TRHDE: variants seen among roughly 807,000 people sequenced by gnomAD.
The protein encoded by TRHDE is thyrotropin-releasing hormone-degrading ectoenzyme.
Under a neutral mutation model 125.7 loss-of-function variants are expected in TRHDE, and 72 were observed. The ratio of observed to expected loss-of-function variants is 0.57; its 90% CI spans 0.47 to 0.70. TRHDE has a LOEUF of 0.70. Among genes scored for constraint, TRHDE ranks in the 30% least tolerant of loss-of-function variants. The pLI, the probability that TRHDE is intolerant of heterozygous loss-of-function variation, is 0.00. For missense variants in TRHDE, 1,110 were observed against 1,327.1 expected, an observed-to-expected ratio of 0.84 and a Z score of 2.54; for synonymous variants, 509 against 509.1, an observed-to-expected ratio of 1.00 and a Z score of 0.00.
rs1238071583 is a variant in TRHDE at position 72,469,633 on chromosome 12, C to CA, written c.1316-118dup. On this transcript the variant is annotated intron_variant, in intron 3 of 18. Transcript: ENST00000261180. The stretch of plus-strand genomic sequence containing the variant: ...AAAAATGGCAAGTAGTTTAATTTGC[C>CA]AAAAAAATCACTAAGTAAAATCAAG... 57 of 1,082,400 alleles carry CA rather than the reference C, an allele frequency of 5.3e-5. No homozygotes were observed. The Admixed American group carries it at 6.5e-4, about 12-fold the overall frequency. The allele number at this position is 1,082,400 out of a possible 1,614,324, so 67.0% of individuals were successfully genotyped here.
chr12:72,167,427 GA>G (rs1323906216), intron 2 of TRHDE: 1 of 152,174 alleles, frequency 6.6e-6, no homozygotes, highest in African/African-American at 2.4e-5. Context: ...ATTCAATCTA[GA>G]TTTGGATTTA....
chr12:72,633,042 T>A (rs1873565239), intron 15 of TRHDE, among the ~76,000 whole-genome samples: 2 of 152,086 alleles, frequency 1.3e-5, no homozygotes, highest in Non-Finnish European at 2.9e-5. Flanking sequence ...CTATCCAATT[T>A]TATTTCTGCA....
rs755986070 is a variant in TRHDE at position 72,286,710 on chromosome 12, C to T, written c.944C>T (p.Thr315Ile). Residue 315 changes from threonine to isoleucine, a missense_variant, in exon 2 of 19, where the codon ACA becomes ATA. Thr to Ile is a moderately conservative substitution (Grantham distance 89, BLOSUM62 -1). Around this residue, in one of 5 missense-constraint regions of TRHDE, gnomAD observed 252 missense variants for 274.8 expected, o/e 0.92. Transcript: ENST00000261180. The part of the protein sequence containing the change: ...RFLGVTQFSP[T>I]HARKAFPCFD... ...CTTGGTGTTACTCAGTTTTCGCCTA[C>T]ACATGCCAGAAAGGCATTTCCTTGT... The T allele has an allele frequency of 1.9e-6, 3 of 1,613,970 alleles. No homozygotes were observed. Among genetic ancestry groups the T allele is most frequent in the Non-Finnish European group, 2.5e-6 (3 of 1,179,952 alleles).
At chr12:72,515,788 G>A (rs1252090683) in intron 6 of TRHDE, among the ~76,000 whole-genome samples, 2 of 152,032 alleles carry the variant, frequency 1.3e-5, no homozygotes, top group Non-Finnish European at 2.9e-5. Context: ...TAATGTTTAA[G>A]TGTTTAATCC....
At chr12:72,385,622 CCA>C (rs1351001530) in intron 3 of TRHDE, among the ~76,000 whole-genome samples, 1 of 152,074 alleles carries the variant, frequency 6.6e-6, no homozygotes, top group Non-Finnish European at 1.5e-5. Flanking sequence ...ATTCAAATGG[CCA>C]CAGTTATTTC....
At chr12:72,516,045 C>T (rs767337291) in intron 6 of TRHDE, among the ~76,000 whole-genome samples, 7 of 151,418 alleles carry the variant, frequency 4.6e-5, no homozygotes, top group Admixed American at 4.6e-4. Context: ...GTTACTGTAG[C>T]CTTGTGTAGT....
chr12:72,190,117 A>G (rs1046638830), intron 2 of TRHDE, among the ~76,000 whole-genome samples: 1 of 152,196 alleles, frequency 6.6e-6, no homozygotes, highest in Non-Finnish European at 1.5e-5. Context: ...CTCACCAGGC[A>G]TTAATATCAA....
chr12:72,494,676 C>T (rs922711170), intron 5 of TRHDE, among the ~76,000 whole-genome samples: 1 of 152,022 alleles, frequency 6.6e-6, no homozygotes, highest in African/African-American at 2.4e-5. Context: ...TTGACATGTT[C>T]AGGCAGAAGC....
At chr12:72,375,334 G>A (rs113388402) in intron 2 of TRHDE, among the ~76,000 whole-genome samples, 2,143 of 152,260 alleles carry the variant, frequency 0.014, 64 homozygotes, top group African/African-American at 0.048. Context: ...GTAAATAATA[G>A]AAGTTTGAAT....
At chr12:72,518,807 T>C (rs1879020083) in intron 6 of TRHDE, among the ~76,000 whole-genome samples, 2 of 152,242 alleles carry the variant, frequency 1.3e-5, no homozygotes, top group African/African-American at 2.4e-5. Flanking sequence ...CCATGTTTAG[T>C]GCTTCCTTCA....
At chr12:72,530,356 G>C (rs1293308797) in intron 6 of TRHDE, among the ~76,000 whole-genome samples, 1 of 143,426 alleles carries the variant, frequency 7.0e-6, no homozygotes, top group Non-Finnish European at 1.5e-5. Context: ...GCTTTCTTAA[G>C]CACACTTTGT....
intron 18 of TRHDE, among the ~76,000 whole-genome samples, chr12:72,658,355 C>T (rs1355766477): frequency 6.6e-6 from 1 of 152,130 alleles, no homozygotes; most frequent in Non-Finnish European, 1.5e-5. Context: ...ATTAAAGACT[C>T]ATTTAGTCAC....
rs373252403 is a variant in TRHDE, at chr12:72,166,289, G to GTGTA, written n.279+60542_279+60545dup. Among the ~76,000 whole-genome samples, 805 of 152,168 alleles carry GTGTA rather than the reference G, an allele frequency of 5.3e-3. 6 individuals are homozygous for GTGTA. The highest frequency in any genetic ancestry group is 0.019 in the African/African-American group (782 of 41,494). On this transcript the variant is annotated intron_variant and non_coding_transcript_variant, in intron 2 of 4. Transcript: ENST00000548156. ...AAATGATGTTATGTGGCACATGACT[G>GTGTA]TGTATGTACATGTGGAGATATATAT...
chr12:72,253,203 G>C (rs1461043136), intron 2 of TRHDE, among the ~76,000 whole-genome samples: 1 of 151,968 alleles, frequency 6.6e-6, no homozygotes, highest in Non-Finnish European at 1.5e-5. Context: ...TTTTCATCTC[G>C]ATCTTATATC....
chr12:72,205,306 C>T (rs1049687398), intron 2 of TRHDE, among the ~76,000 whole-genome samples: 2 of 151,852 alleles, frequency 1.3e-5, no homozygotes, highest in Admixed American at 6.6e-5. Flanking sequence ...CTTCCCTGCA[C>T]CCTTCCCTTC....
rs1875029770 is a variant in TRHDE, at chr12:72,664,223, ACTTATAATTATTAGTGCTG to A, written c.*1029_*1047del. Reference sequence around the variant, plus strand: ...CCTTTTGCATGAAACAATTATGCAAACTTATAATTATTAGTGCTGAAAAAGAGTTTATTTTCCATCTTGT... The same window carrying A: ...CCTTTTGCATGAAACAATTATGCAAAAAAAAGAGTTTATTTTCCATCTTGT... On this transcript the variant is annotated 3_prime_UTR_variant, in exon 19 of 19. Transcript: ENST00000261180. 1.3e-5 allele frequency: 2 copies of A among 152,422 alleles called. No individual in the cohort carries two copies. Among genetic ancestry groups the A allele is most frequent in the Non-Finnish European group, 2.9e-5 (2 of 68,012 alleles). The allele number at this position is 152,422 out of a possible 1,614,324, so 9.4% of individuals were successfully genotyped here.
At chr12:72,544,839 T>C (rs1419674828) in intron 7 of TRHDE, among the ~76,000 whole-genome samples, 2 of 151,562 alleles carry the variant, frequency 1.3e-5, no homozygotes, top group Non-Finnish European at 3.0e-5. Flanking sequence ...CACATACTCA[T>C]ATTTAACTTA....
intron 10 of TRHDE, among the ~76,000 whole-genome samples, chr12:72,569,611 AAAATC>A (rs1403297891): frequency 6.6e-6 from 1 of 152,222 alleles, no homozygotes; most frequent in Non-Finnish European, 1.5e-5. Context: ...TTGTTACAGT[AAAATC>A]TAATCTGGTT....
chr12:72,164,400 G>A (rs1876700373), intron 2 of TRHDE, among the ~76,000 whole-genome samples: 1 of 152,180 alleles, frequency 6.6e-6, no homozygotes, highest in South Asian at 2.1e-4. Flanking sequence ...AATAGGGAAG[G>A]CGCCAGGTTC....
Sources: gnomAD v4.1 joint callset for allele counts (sites outside exome capture counted in the v4.1 genomes callset) on GRCh38, gnomAD v4.1.1 for gene constraint, gnomAD v4.1.1 regional missense constraint, MANE v1.5 for transcripts, NCBI Gene and HGNC (gene_info 2026-07-23, HGNC 2026-07-21) for gene names.